TWSG1: variants seen among roughly 807,000 people sequenced by gnomAD.
The protein encoded by TWSG1 is twisted gastrulation BMP signaling modulator 1, also known as twisted gastrulation protein homolog 1.
A neutral mutation model predicts 23.0 loss-of-function variants in TWSG1; 15 were observed. That is an observed-to-expected ratio of 0.65 (90% confidence interval 0.44 to 1.00). The LOEUF (loss-of-function observed/expected upper bound fraction) is 1.00, where lower values mean the gene tolerates loss of function less well. Among genes scored for constraint, TWSG1 ranks in the 50% least tolerant of loss-of-function variants. TWSG1 has a pLI of 0.00. For synonymous variants in TWSG1, 86 were observed against 92.8 expected (o/e 0.93, Z 0.42); for missense variants, 242 against 278.7 (o/e 0.87, Z 0.94).
chr18:9,384,158 A>C (rs1218996864), intron 3 of TWSG1, among the ~76,000 whole-genome samples: 5 of 152,200 alleles, frequency 3.3e-5, no homozygotes, highest in Admixed American at 2.0e-4. Flanking sequence ...AAACTCGACT[A>C]GATTTGGTGA....
chr18:9,381,950 A>G (rs1467659407), intron 3 of TWSG1, among the ~76,000 whole-genome samples: 1 of 152,232 alleles, frequency 6.6e-6, no homozygotes, highest in African/African-American at 2.4e-5. Flanking sequence ...TTTTAAGTAC[A>G]TAGTTGTACT....
intron 1 of TWSG1, among the ~76,000 whole-genome samples, 198 bp downstream of exon 1, chr18:9,335,118 A>G (rs2040415727): frequency 6.6e-6 from 1 of 152,116 alleles, no homozygotes; most frequent in Admixed American, 6.5e-5. Flanking sequence ...GGGAGCCAGC[A>G]GCATCTCTGC....
chr18:9,399,612 C>G lies in TWSG1; in HGVS notation c.*85C>G. 1 of 1,193,188 alleles carries G rather than the reference C, an allele frequency of 8.4e-7. No homozygotes were observed. Among genetic ancestry groups the G allele is most frequent in the Non-Finnish European group, 1.1e-6 (1 of 876,204 alleles). The allele number at this position is 1,193,188 out of a possible 1,614,324, so 73.9% of individuals were successfully genotyped here. ...TAAGTCTGTTGGTTGTATCTTGTAT[C>G]AGAATCCCAGTAAGTTAAGTTGTAA... On this transcript the variant is annotated 3_prime_UTR_variant, in exon 5 of 5. Transcript: ENST00000262120.
intron 1 of TWSG1, among the ~76,000 whole-genome samples, chr18:9,336,748 A>C (rs1357934125): frequency 1.3e-5 from 2 of 152,224 alleles, no homozygotes; most frequent in Non-Finnish European, 2.9e-5. Context: ...CTGAGGGTTT[A>C]GATATACTCA....
chr18:9,359,928 A>AT, intron 2 of TWSG1, 44 bp from the exon 3 acceptor site: 4 of 1,521,450 alleles, frequency 2.6e-6, no homozygotes, highest in Non-Finnish European at 3.6e-6. Flanking sequence ...AGTTTTATAT[A>AT]TGATTATTTG....
At chr18:9,338,701 C>T (rs1294398225) in intron 2 of TWSG1, among the ~76,000 whole-genome samples, 1 of 152,170 alleles carries the variant, frequency 6.6e-6, no homozygotes, top group African/African-American at 2.4e-5. Context: ...TTTGTGTCTG[C>T]AAATGAAGCC....
intron 3 of TWSG1, among the ~76,000 whole-genome samples, chr18:9,371,278 T>G (rs1568036142): frequency 1.3e-5 from 2 of 151,802 alleles, no homozygotes; most frequent in Non-Finnish European, 2.9e-5. Context: ...TGCACTGATT[T>G]AAAGGATTTT....
chr18:9,360,120 C>A (rs1286174720), intron 3 of TWSG1, 49 bp downstream of exon 3: 5 of 1,499,584 alleles, frequency 3.3e-6, no homozygotes, highest in Admixed American at 1.7e-5. Flanking sequence ...TCACAGAATC[C>A]TTGGCTTTAA....
rs10616614 is a variant in TWSG1 at position 9,387,770 on chromosome 18, CA to C, written c.224-8493del. On this transcript the variant is annotated intron_variant, in intron 3 of 4. Coordinates refer to ENST00000262120, the MANE Select transcript of TWSG1 (RefSeq NM_020648.6). ...GGGCAACAAGAGTGAAACTCTGTCT[CA>C]AAAAAAAAAAAAAAAAGCAAATTGC... Among the ~76,000 whole-genome samples the C allele has an allele frequency of 3.3e-3, 394 of 120,878 alleles. 3 individuals are homozygous for C. Among genetic ancestry groups the C allele is most frequent in the Middle Eastern group, 8.5e-3 (2 of 236 alleles). The allele number at this position is 120,878 out of a possible 152,430, so 79.3% of individuals were successfully genotyped here. A position where few individuals can be genotyped will look rare whatever the true frequency, so the allele number is the denominator to read the frequency against.
intron 4 of TWSG1, 127 bp downstream of exon 4, chr18:9,396,673 A>G (rs1303975573): frequency 8.3e-7 from 1 of 1,202,762 alleles, no homozygotes; most frequent in East Asian, 2.5e-5. Flanking sequence ...CATCTCACAT[A>G]AATTCTAGAC....
intron 2 of TWSG1, among the ~76,000 whole-genome samples, chr18:9,344,739 T>A (rs57333366): frequency 0.12 from 18,180 of 151,468 alleles, 1,271 homozygotes; most frequent in Middle Eastern, 0.27. Context: ...AAACCAGTGC[T>A]CTTTTTTGTG....
At chr18:9,375,042 C>T (rs1016855945) in intron 3 of TWSG1, among the ~76,000 whole-genome samples, 1 of 151,918 alleles carries the variant, frequency 6.6e-6, no homozygotes, top group African/African-American at 2.4e-5. Context: ...TGGCGGACGC[C>T]TGTAGTCTCA....
Position 9,366,876 on chromosome 18 carries a change from A to G in TWSG1, c.223+6805A>G, listed in dbSNP as rs544200782. Among the ~76,000 whole-genome samples, 3 of 152,336 alleles carry G rather than the reference A, an allele frequency of 2.0e-5. No individual in the cohort carries two copies. In the East Asian group the frequency reaches 5.8e-4, roughly 29 times the overall value. On this transcript the variant is annotated intron_variant, in intron 3 of 4. Coordinates refer to ENST00000262120, the MANE Select transcript of TWSG1 (RefSeq NM_020648.6). Reference sequence around the variant, plus strand: ...TGTATACATTGTGGAATGGCTACATAGAGCTAATTAACATACATTACCTCA... The same window carrying G: ...TGTATACATTGTGGAATGGCTACATGGAGCTAATTAACATACATTACCTCA...
intron 2 of TWSG1, among the ~76,000 whole-genome samples, chr18:9,349,499 TTAAA>T (rs1257308593): frequency 3.3e-5 from 5 of 152,198 alleles, no homozygotes; most frequent in Admixed American, 6.5e-5. Flanking sequence ...GATTTAGTTA[TTAAA>T]TAAATCTTAA....
At chr18:9,375,672 C>G (rs1425082101) in intron 3 of TWSG1, among the ~76,000 whole-genome samples, 1 of 152,112 alleles carries the variant, frequency 6.6e-6, no homozygotes, top group Non-Finnish European at 1.5e-5. Flanking sequence ...ATATAAAAAG[C>G]AATTGCTGTT....
intron 2 of TWSG1, among the ~76,000 whole-genome samples, chr18:9,353,021 G>A (rs2040509023): frequency 2.0e-5 from 3 of 152,122 alleles, no homozygotes; most frequent in African/African-American, 2.4e-5. Context: ...CCTTTTCTAT[G>A]TTTAGATATG....
chr18:9,376,906 G>A (rs1051074560), intron 3 of TWSG1, among the ~76,000 whole-genome samples: 15 of 148,580 alleles, frequency 1.0e-4, no homozygotes, highest in Non-Finnish European at 2.2e-4. Flanking sequence ...TTTTTTTCTT[G>A]TCATCATTCC....
At chr18:9,387,762 C>T (rs1364156539) in intron 3 of TWSG1, among the ~76,000 whole-genome samples, 2 of 102,244 alleles carry the variant, frequency 2.0e-5, no homozygotes, top group Non-Finnish European at 4.2e-5. Context: ...AAGAGTGAAA[C>T]TCTGTCTCAA....
At chr18:9,391,267 T>C (rs1453571007) in intron 3 of TWSG1, among the ~76,000 whole-genome samples, 2 of 152,228 alleles carry the variant, frequency 1.3e-5, no homozygotes, top group Non-Finnish European at 2.9e-5. Context: ...TCTAGTTGTT[T>C]TGCTATTTCC....
Sources: allele counts gnomAD v4.1 joint callset (sites outside exome capture counted in the v4.1 genomes callset), GRCh38; gene constraint gnomAD v4.1.1; transcripts MANE v1.5; gene names NCBI Gene and HGNC (gene_info 2026-07-23, HGNC 2026-07-21).